TP53BP1: variants seen among roughly 807,000 people sequenced by gnomAD.
TP53BP1 encodes the protein tumor protein p53 binding protein 1.
In TP53BP1, 61 loss-of-function variants were observed where a neutral mutation model predicts 200.8. The observed-to-expected ratio is 0.30, with a 90% confidence interval of 0.25 to 0.38. The LOEUF (loss-of-function observed/expected upper bound fraction) is 0.38, where lower values mean the gene tolerates loss of function less well. Among genes scored for constraint, TP53BP1 ranks in the 10% least tolerant of loss-of-function variants. The pLI is 1.00. For missense variants in TP53BP1, 2,144 were observed against 2,371.9 expected, an observed-to-expected ratio of 0.90 and a Z score of 2.00; for synonymous variants, 822 against 844.3, an observed-to-expected ratio of 0.97 and a Z score of 0.46.
chr15:43,480,468 T>A (rs541264385), intron 5 of TP53BP1, among the ~76,000 whole-genome samples: 18 of 151,588 alleles, frequency 1.2e-4, no homozygotes, highest in South Asian at 2.1e-4. Context: ...AAAATAAATT[T>A]AAAAAAAATA....
At chr15:43,500,879 C>G (rs959606180) in intron 1 of TP53BP1, among the ~76,000 whole-genome samples, 3 of 150,898 alleles carry the variant, frequency 2.0e-5, no homozygotes, top group Non-Finnish European at 4.4e-5. Flanking sequence ...TCAACACACC[C>G]AAAGAAAATG....
At chr15:43,420,779 C>T in intron 20 of TP53BP1, 44 bp from the exon 21 acceptor site, 1 of 1,547,504 alleles carries the variant, frequency 6.5e-7, no homozygotes, top group Non-Finnish European at 8.8e-7. Context: ...AGAACAAGAA[C>T]ACAGAAGTAT....
At chr15:43,477,153 A>G (rs2078895516) in intron 8 of TP53BP1, among the ~76,000 whole-genome samples, 1 of 152,098 alleles carries the variant, frequency 6.6e-6, no homozygotes, top group Admixed American at 6.6e-5. Flanking sequence ...ACAAAAAATT[A>G]GCCAAGCATG....
At chr15:43,453,535 C>T (rs2046221605) in intron 12 of TP53BP1, among the ~76,000 whole-genome samples, 1 of 129,748 alleles carries the variant, frequency 7.7e-6, no homozygotes, top group Admixed American at 7.0e-5. Flanking sequence ...ATTTCTTATT[C>T]TTAAGATAAA....
chr15:43,412,803 T>A, intron 24 of TP53BP1: 1 of 487,928 alleles, frequency 2.0e-6, no homozygotes, highest in Admixed American at 2.3e-5. Context: ...GGTTTGTCAT[T>A]ATTGTGGACA....
At chr15:43,458,430 T>G (rs539668986) in intron 11 of TP53BP1, among the ~76,000 whole-genome samples, 1 of 150,928 alleles carries the variant, frequency 6.6e-6, no homozygotes, top group Non-Finnish European at 1.5e-5. Context: ...CAAGTGAGAC[T>G]ATATCTCAAA....
At chr15:43,414,955 A>G (rs1053423990) in intron 23 of TP53BP1, among the ~76,000 whole-genome samples, 5 of 151,886 alleles carry the variant, frequency 3.3e-5, no homozygotes, top group Admixed American at 3.3e-4. Context: ...TGATCCCCCA[A>G]CCTCGGCCTC....
At chr15:43,507,477 G>A (rs1264358625) in intron 1 of TP53BP1, among the ~76,000 whole-genome samples, 2 of 152,178 alleles carry the variant, frequency 1.3e-5, no homozygotes, top group African/African-American at 2.4e-5. Context: ...TGGACAACTC[G>A]TAGTCAAGAC....
At chr15:43,481,379 T>C (rs1157527860) in intron 4 of TP53BP1, among the ~76,000 whole-genome samples, 1 of 151,858 alleles carries the variant, frequency 6.6e-6, no homozygotes, top group Non-Finnish European at 1.5e-5. Flanking sequence ...AGAAGTATTT[T>C]AGTAAAAAAT....
In TP53BP1 at chr15:43,475,730, T is replaced by A. The variant is rs1396422806; in HGVS notation, c.956-36A>T. On this transcript the variant is annotated intron_variant, in intron 8 of 27. Transcript: ENST00000382044. ...GAAATTCCAGTTGCACTTCTCAGATTGACACTACTGAGCTGCCAAAAACCA... is the reference window on the plus strand; with the variant it reads ...GAAATTCCAGTTGCACTTCTCAGATAGACACTACTGAGCTGCCAAAAACCA... The A allele has an allele frequency of 5.6e-6, 9 of 1,611,868 alleles. 1 individual carries two copies. In the South Asian group the frequency reaches 9.9e-5, roughly 18 times the overall value.
chr15:43,425,608 A>G (rs1366643726), intron 18 of TP53BP1, among the ~76,000 whole-genome samples: 1 of 152,188 alleles, frequency 6.6e-6, no homozygotes, highest in East Asian at 1.9e-4. Flanking sequence ...CAAAAGAGCG[A>G]GACCCTGTCT....
chr15:43,474,422 G>T (rs2046804235), intron 10 of TP53BP1, among the ~76,000 whole-genome samples: 2 of 136,972 alleles, frequency 1.5e-5, no homozygotes, highest in Non-Finnish European at 3.0e-5. Flanking sequence ...TGTGAGGACT[G>T]CCAGCACGCT....
chr15:43,436,240 C>G (rs2045795344), intron 16 of TP53BP1, among the ~76,000 whole-genome samples: 1 of 152,122 alleles, frequency 6.6e-6, no homozygotes, highest in Non-Finnish European at 1.5e-5. Flanking sequence ...ATCCACCCAC[C>G]TCGGTCTACC....
At chr15:43,438,728 CAAAAAAAAAAA>C (rs397699362) in intron 15 of TP53BP1, among the ~76,000 whole-genome samples, 30 of 21,648 alleles carry the variant, frequency 1.4e-3, no homozygotes, top group East Asian at 4.9e-3. Flanking sequence ...AAGCAAGAGG[CAAAAAAAAAAA>C]AAAAAAAAAA....
At position 43,406,679 on chromosome 15, in the gene TP53BP1, T is replaced by G; in HGVS notation, c.*704A>C. ...GTGATGCCAGAGGAAGGGAAGGAAC[T>G]GCTTCCAGCTATTGTGACAATAATA... On this transcript the variant is annotated 3_prime_UTR_variant, in exon 28 of 28. Transcript: ENST00000382044. The G allele has an allele frequency of 2.2e-6, 1 of 447,486 alleles. No individual in the cohort carries two copies. Among genetic ancestry groups the G allele is most frequent in the South Asian group, 1.6e-5 (1 of 62,584 alleles). The allele number at this position is 447,486 out of a possible 1,614,324, so 27.7% of individuals were successfully genotyped here.
At chr15:43,443,557 G>A (rs1483298786) in intron 14 of TP53BP1, among the ~76,000 whole-genome samples, 1 of 151,988 alleles carries the variant, frequency 6.6e-6, no homozygotes, top group Non-Finnish European at 1.5e-5. Context: ...CCAGGCATGG[G>A]TGGTGGGCGT....
In TP53BP1 at chr15:43,420,344, C is replaced by T. The variant is rs753817905; in HGVS notation, c.4642G>A (p.Glu1548Lys). 6.2e-7 allele frequency: 1 copy of T among 1,614,196 alleles called. No individual in the cohort carries two copies. Among genetic ancestry groups the T allele is most frequent in the Non-Finnish European group, 8.5e-7 (1 of 1,180,030 alleles). Residue 1548 changes from glutamate (E) to lysine (K), a missense_variant, in exon 21 of 28, where the codon GAA becomes AAA. Transcript: ENST00000382044. ...LLCDPIPLDT[E>K]VTALSEDEYF... Reference sequence around the variant, plus strand: ...TCATCCTCCGAGAGGGCCGTCACTTCAGTGTCCAGCGGGATGGGGTCACAT... The same window carrying T: ...TCATCCTCCGAGAGGGCCGTCACTTTAGTGTCCAGCGGGATGGGGTCACAT...
chr15:43,421,610 C>T (rs543292657), intron 19 of TP53BP1: 9 of 583,372 alleles, frequency 1.5e-5, no homozygotes, highest in African/African-American at 1.1e-4. Flanking sequence ...TCCCGAAAGT[C>T]CCCTCCCCTG....
intron 1 of TP53BP1, among the ~76,000 whole-genome samples, chr15:43,509,964 A>G (rs1198757844): frequency 6.6e-6 from 1 of 152,156 alleles, no homozygotes; most frequent in East Asian, 1.9e-4. Context: ...CCTGGGTAAA[A>G]GACTACTCTG....
Sources: allele counts gnomAD v4.1 joint callset (sites outside exome capture counted in the v4.1 genomes callset), GRCh38; gene constraint gnomAD v4.1.1; transcripts MANE v1.5; gene names NCBI Gene and HGNC (gene_info 2026-07-23, HGNC 2026-07-21).